RHO: variants seen among roughly 807,000 people sequenced by gnomAD.
RHO encodes rhodopsin.
Under a neutral mutation model 31.2 loss-of-function variants are expected in RHO, and 21 were observed. The observed-to-expected ratio is 0.67, with a 90% CI of 0.48 to 0.97. The LOEUF (loss-of-function observed/expected upper bound fraction) is 0.97. Ranked by LOEUF, RHO falls within the 50% of genes least tolerant of loss-of-function variation. RHO has a pLI of 0.00. For missense variants in RHO, 414 were observed against 479.5 expected (o/e 0.86, Z 1.28); for synonymous variants, 211 against 196.6 (o/e 1.07, Z -0.61).
Position 129,529,088 on chromosome 3 carries a change from C to T in RHO, c.355C>T (p.Leu119=), listed in dbSNP as rs749137786. 9.9e-6 allele frequency: 16 copies of T among 1,612,318 alleles called. No homozygotes were observed. The highest frequency in any genetic ancestry group is 1.3e-5 in the Non-Finnish European group (15 of 1,179,022). ...CAATTTGGAGGGCTTCTTTGCCACC[C>T]TGGGCGGTATGAGCCGGGTGTGGGT... ...GCNLEGFFAT[L]GGEIALWSLV... The change falls in exon 1 of 5, where the codon CTG becomes TTG. Residue 119 remains leucine (L), a synonymous_variant. Coordinates refer to ENST00000296271, the MANE Select transcript of RHO (RefSeq NM_000539.3).
chr3:129,530,782 G>A, intron 1 of RHO, 94 bp from the exon 2 acceptor site: 2 of 1,500,120 alleles, frequency 1.3e-6, no homozygotes, highest in South Asian at 2.3e-5. Context: ...CCCACTCCTG[G>A]TTGCCTTCCT....
intron 4 of RHO, among the ~76,000 whole-genome samples, chr3:129,533,027 G>A (rs889070870): frequency 2.6e-5 from 4 of 152,232 alleles, no homozygotes; most frequent in African/African-American, 9.6e-5. Context: ...TCACTCAGGT[G>A]GGAGAAGCTC....
intron 1 of RHO, among the ~76,000 whole-genome samples, chr3:129,530,606 C>A (rs1321379369): frequency 1.3e-5 from 2 of 151,830 alleles, no homozygotes; most frequent in South Asian, 4.2e-4. Context: ...TCCTGACCCC[C>A]TGATCTGATT....
Position 129,533,613 on chromosome 3 carries a change from G to C in RHO, c.942G>C (p.Arg314=). ...VIYIMMNKQF[R]NCMLTTICCG... is the part of the protein sequence containing the mutation. ...TCAAGCCTCTTGCCTTCCAGTTCCGGAACTGCATGCTCACCACCATCTGCT... is the reference window on the plus strand; with the variant it reads ...TCAAGCCTCTTGCCTTCCAGTTCCGCAACTGCATGCTCACCACCATCTGCT... The change falls in exon 5 of 5, where the codon CGG becomes CGC. Residue 314 remains arginine (R), a synonymous_variant. Transcript: ENST00000296271. 6.2e-7 allele frequency: 1 copy of C among 1,613,510 alleles called. No individual in the cohort carries two copies. Among genetic ancestry groups the C allele is most frequent in the Non-Finnish European group, 8.5e-7 (1 of 1,179,462 alleles).
intron 1 of RHO, among the ~76,000 whole-genome samples, chr3:129,529,868 A>AT (rs2084765434): frequency 6.6e-6 from 1 of 152,214 alleles, no homozygotes; most frequent in Non-Finnish European, 1.5e-5. Flanking sequence ...GAAGAGACTC[A>AT]TTTAGGGATG....
Position 129,532,525 on chromosome 3 carries a change from T to C in RHO, c.697-8T>C. On this transcript the variant is annotated splice_polypyrimidine_tract_variant and splice_region_variant and intron_variant, in intron 3 of 4. Coordinates refer to ENST00000296271, the MANE Select transcript of RHO (RefSeq NM_000539.3). This position sits in a 1 kb window ranked among gnomAD's most constrained non-coding sequence, Gnocchi z 5.5. ...CCATGGTCTGGACCCGGGTCCCGTG[T>C]CCTGCAGGCCGCTGCCCAGCAGCAG... The C allele has an allele frequency of 1.9e-6, 3 of 1,614,062 alleles. No homozygotes were observed. The highest frequency in any genetic ancestry group is 2.5e-6 in the Non-Finnish European group (3 of 1,180,012).
At chr3:129,530,168 T>C (rs1213585726) in intron 1 of RHO, among the ~76,000 whole-genome samples, 1 of 152,134 alleles carries the variant, frequency 6.6e-6, no homozygotes, top group African/African-American at 2.4e-5. Flanking sequence ...TTACGGGTGG[T>C]TGTTCTCTGC....
At position 129,528,785 on chromosome 3, in the gene RHO, G is replaced by T; in HGVS notation, c.52G>T (p.Gly18Cys). Residue 18 changes from glycine to cysteine, a missense_variant, in exon 1 of 5, where the codon GGT becomes TGT. Physicochemically the swap from Gly to Cys is radical, Grantham distance 159. Transcript: ENST00000296271. Reference sequence around the variant, plus strand: ...CTACGTGCCCTTCTCCAATGCGACGGGTGTGGTACGCAGCCCCTTCGAGTA... The same window carrying T: ...CTACGTGCCCTTCTCCAATGCGACGTGTGTGGTACGCAGCCCCTTCGAGTA... Reference protein sequence around the residue: ...NFYVPFSNATGVVRSPFEYPQ... With the variant: ...NFYVPFSNATCVVRSPFEYPQ... 6.2e-7 allele frequency: 1 copy of T among 1,614,182 alleles called. No homozygotes were observed. The highest frequency in any genetic ancestry group is 8.5e-7 in the Non-Finnish European group (1 of 1,180,038).
Position 129,528,702 on chromosome 3 carries a change from GCAGCCACGGGT to G in RHO, c.-24_-14del. 6.2e-7 allele frequency: 1 copy of G among 1,613,632 alleles called. No homozygotes were observed. The highest frequency in any genetic ancestry group is 8.5e-7 in the Non-Finnish European group (1 of 1,179,994). ...GCCTTCGCAGCATTCTTGGGTGGGA[GCAGCCACGGGT>G]CAGCCACAAGGGCCACAGCCATGAA... is the stretch of plus-strand genomic sequence containing the variant. On this transcript the variant is annotated 5_prime_UTR_variant, in exon 1 of 5. Coordinates refer to ENST00000296271, the MANE Select transcript of RHO (RefSeq NM_000539.3).
intron 1 of RHO, among the ~76,000 whole-genome samples, chr3:129,530,533 A>ACAAAAC (rs1553781099): frequency 8.1e-6 from 1 of 122,898 alleles, no homozygotes; most frequent in African/African-American, 4.1e-5. Context: ...ACACACACAC[A>ACAAAAC]ACACACACAC....
At position 129,535,240 on chromosome 3, in the gene RHO, C is replaced by A. The variant is rs2084812598; in HGVS notation, c.*1522C>A. On this transcript the variant is annotated 3_prime_UTR_variant, in exon 5 of 5. Coordinates refer to ENST00000296271, the MANE Select transcript of RHO (RefSeq NM_000539.3). ...TGAAACTGCCAGCTTCCACCTGATC[C>A]CTGACCCTGGGATGGCTGGATTGAG... The A allele has an allele frequency of 6.6e-6, 1 of 152,654 alleles. No homozygotes were observed. Among genetic ancestry groups the A allele is most frequent in the Non-Finnish European group, 1.5e-5 (1 of 68,084 alleles). The allele number at this position is 152,654 out of a possible 1,614,324, so 9.5% of individuals were successfully genotyped here.
At position 129,532,236 on chromosome 3, in the gene RHO, C is replaced by T. The variant is rs776890381; in HGVS notation, c.531-15C>T. 1.2e-6 allele frequency: 2 copies of T among 1,613,646 alleles called. No individual in the cohort carries two copies. The highest frequency in any genetic ancestry group is 2.2e-5 in the South Asian group (2 of 91,062). On this transcript the variant is annotated splice_polypyrimidine_tract_variant and intron_variant, in intron 2 of 4. Transcript: ENST00000296271. The surrounding 1 kb of genome is among the most constrained non-coding windows in gnomAD (Gnocchi z 5.5). ...GTCCCTCACAGGCAGGGTCTCCCTA[C>T]CTGCCTGTCCTCAGGTACATCCCCG...
Position 129,533,829 on chromosome 3 carries a change from C to T in RHO, c.*111C>T, listed in dbSNP as rs989333591. ...CGCCTGTGCAGAATGAACGAAGTCACATAGGCTCCTTAATTTTTTTTTTTT... is the reference window on the plus strand; with the variant it reads ...CGCCTGTGCAGAATGAACGAAGTCATATAGGCTCCTTAATTTTTTTTTTTT... On this transcript the variant is annotated 3_prime_UTR_variant, in exon 5 of 5. Coordinates refer to ENST00000296271, the MANE Select transcript of RHO (RefSeq NM_000539.3). 23 of 720,558 alleles carry T rather than the reference C, an allele frequency of 3.2e-5. No homozygotes were observed. The African/African-American group carries it at 4.3e-4, about 14-fold the overall frequency. The allele number at this position is 720,558 out of a possible 1,614,324, so 44.6% of individuals were successfully genotyped here. A position where few individuals can be genotyped will look rare whatever the true frequency, so the allele number is the denominator to read the frequency against.
intron 1 of RHO, 150 bp downstream of exon 1, chr3:129,529,244 A>G (rs2108749403): frequency 9.5e-7 from 1 of 1,048,828 alleles, no homozygotes; most frequent in East Asian, 2.5e-5. Context: ...TCAGTCAACA[A>G]ACACCATTCA....
intron 2 of RHO, among the ~76,000 whole-genome samples, chr3:129,531,923 G>A (rs1487208664): frequency 1.3e-5 from 2 of 152,240 alleles, no homozygotes; most frequent in Non-Finnish European, 2.9e-5. Context: ...TGCAGAGCCT[G>A]AGGGCTCTCC....
At position 129,530,821 on chromosome 3, in the gene RHO, T is replaced by G. The variant is rs947191845; in HGVS notation, c.362-55T>G. The G allele has an allele frequency of 1.9e-6, 3 of 1,605,288 alleles. No homozygotes were observed. In the African/African-American group the frequency reaches 4.0e-5, roughly 22 times the overall value. On this transcript the variant is annotated intron_variant, in intron 1 of 4. Coordinates refer to ENST00000296271, the MANE Select transcript of RHO (RefSeq NM_000539.3). ...TACCCTCTCCCTGTCTAGGGGGGAG[T>G]GCACCCTCCTTAGGCAGTGGGGTCT...
In RHO at chr3:129,533,814, G is replaced by A; in HGVS notation, c.*96G>A. 1 of 862,180 alleles carries A rather than the reference G, an allele frequency of 1.2e-6. No individual in the cohort carries two copies. The highest frequency in any genetic ancestry group is 2.0e-6 in the Non-Finnish European group (1 of 509,988). The allele number at this position is 862,180 out of a possible 1,614,324, so 53.4% of individuals were successfully genotyped here. A position where few individuals can be genotyped will look rare whatever the true frequency, so the allele number is the denominator to read the frequency against. ...TCCCACCAGGAGCAGCGCCTGTGCA[G>A]AATGAACGAAGTCACATAGGCTCCT... On this transcript the variant is annotated 3_prime_UTR_variant, in exon 5 of 5. Coordinates refer to ENST00000296271, the MANE Select transcript of RHO (RefSeq NM_000539.3).
At chr3:129,529,136 C>T in intron 1 of RHO, 42 bp downstream of exon 1, 1 of 1,593,098 alleles carries the variant, frequency 6.3e-7, no homozygotes, top group Non-Finnish European at 8.5e-7. Context: ...AGCCCGGGAG[C>T]ATGGAGGGGT....
rs766943400 is a variant in RHO, at chr3:129,532,662, T to G, written c.826T>G (p.Phe276Val). ...VPYASVAFYI[F>V]THQGSNFGPI... ...CTACGCCAGCGTGGCATTCTACATCTTCACCCACCAGGGCTCCAACTTCGG... is the reference window on the plus strand; with the variant it reads ...CTACGCCAGCGTGGCATTCTACATCGTCACCCACCAGGGCTCCAACTTCGG... Residue 276 changes from phenylalanine (F) to valine (V), a missense_variant, in exon 4 of 5, where the codon TTC becomes GTC. Coordinates refer to ENST00000296271, the MANE Select transcript of RHO (RefSeq NM_000539.3). The surrounding 1 kb of genome is among the most constrained non-coding windows in gnomAD (Gnocchi z 5.5). 2.8e-5 allele frequency: 45 copies of G among 1,614,112 alleles called. No individual in the cohort carries two copies. In the Middle Eastern group the frequency reaches 3.5e-3, roughly 124 times the overall value.
Sources: gnomAD v4.1 joint callset for allele counts (sites outside exome capture counted in the v4.1 genomes callset) on GRCh38, gnomAD v4.1.1 for gene constraint, Gnocchi (gnomAD v3.1) non-coding constraint, MANE v1.5 for transcripts, NCBI Gene and HGNC (gene_info 2026-07-23, HGNC 2026-07-21) for gene names.